The following SNTG1 variants were observed in gnomAD, a reference collection of about 807,000 sequenced individuals.
SNTG1 encodes the protein syntrophin gamma 1.
Under a neutral mutation model 74.7 loss-of-function variants are expected in SNTG1, and 39 were observed. That is an observed-to-expected ratio of 0.52 (90% CI 0.40 to 0.68). The LOEUF is 0.68. Among genes scored for constraint, SNTG1 ranks in the 30% least tolerant of loss-of-function variants. SNTG1 has a pLI of 0.00. For synonymous variants in SNTG1, 254 were observed against 217.1 expected, an observed-to-expected ratio of 1.17 and a Z score of -1.49; for missense variants, 685 against 609.5, an observed-to-expected ratio of 1.12 and a Z score of -1.30.
intron 2 of SNTG1, among the ~76,000 whole-genome samples, chr8:50,235,581 GT>G (rs1399420694): frequency 6.6e-6 from 1 of 152,124 alleles, no homozygotes; most frequent in East Asian, 1.9e-4. Context: ...ACACATTTTT[GT>G]TGGAAAAAAT....
At chr8:50,351,266 G>A (rs984607660) in intron 2 of SNTG1, among the ~76,000 whole-genome samples, 5 of 152,178 alleles carry the variant, frequency 3.3e-5, no homozygotes, top group African/African-American at 1.2e-4. Flanking sequence ...TGCAAAACTG[G>A]CAAAGTCCCG....
intron 9 of SNTG1, among the ~76,000 whole-genome samples, chr8:50,526,769 G>A (rs1381850026): frequency 2.0e-5 from 3 of 152,066 alleles, no homozygotes; most frequent in South Asian, 2.1e-4. Flanking sequence ...GACTACAGGC[G>A]CTTGCCACCA....
intron 8 of SNTG1, among the ~76,000 whole-genome samples, chr8:50,491,706 T>G (rs1587808923): frequency 9.2e-5 from 3 of 32,756 alleles, no homozygotes; most frequent in African/African-American, 1.2e-4. Context: ...TATTTATTTA[T>G]TTATTTATTT....
intron 8 of SNTG1, among the ~76,000 whole-genome samples, chr8:50,501,164 C>A (rs1225075488): frequency 6.6e-6 from 1 of 152,032 alleles, no homozygotes; most frequent in Admixed American, 6.6e-5. Context: ...GGCTCCTTTA[C>A]AATCCAGAGG....
At chr8:50,508,084 A>G (rs998705159) in intron 9 of SNTG1, among the ~76,000 whole-genome samples, 12 of 146,740 alleles carry the variant, frequency 8.2e-5, no homozygotes, top group African/African-American at 3.0e-4. Flanking sequence ...ACTCCCCTCA[A>G]CAGGCTACGG....
rs80268384 is a variant in SNTG1, at chr8:50,123,698, C to A, written c.-102-48863C>A. ...CACAGATTCTTTTATTTTGTTTTTCCTACTGGGAAAGGGTGACATTGTAGA... is the reference window on the plus strand; with the variant it reads ...CACAGATTCTTTTATTTTGTTTTTCATACTGGGAAAGGGTGACATTGTAGA... On this transcript the variant is annotated intron_variant, in intron 1 of 18. Coordinates refer to ENST00000642720, the MANE Select transcript of SNTG1 (RefSeq NM_018967.5). 4.0e-3 allele frequency among the ~76,000 whole-genome samples: 561 copies of A among 141,658 alleles called. 72 individuals carry two copies. Among genetic ancestry groups the A allele is most frequent in the African/African-American group, 0.013 (521 of 39,202 alleles). 92.9% of individuals were successfully genotyped at this position (141,658 alleles called of 152,430 possible). A position where few individuals can be genotyped will look rare whatever the true frequency, so the allele number is the denominator to read the frequency against.
chr8:50,209,302 A>T (rs909090727), intron 2 of SNTG1, among the ~76,000 whole-genome samples: 6 of 152,222 alleles, frequency 3.9e-5, no homozygotes, highest in Admixed American at 2.6e-4. Context: ...GGGGCAGGGC[A>T]TAGCTGAACA....
At chr8:50,070,266 G>A (rs905069023) in intron 1 of SNTG1, among the ~76,000 whole-genome samples, 12 of 151,994 alleles carry the variant, frequency 7.9e-5, no homozygotes, top group East Asian at 1.9e-4. Context: ...AGTTCTTTCC[G>A]TCTTTTTGAA....
chr8:50,311,952 T>G (rs2090130783), intron 2 of SNTG1, among the ~76,000 whole-genome samples: 1 of 152,184 alleles, frequency 6.6e-6, no homozygotes, highest in South Asian at 2.1e-4. Context: ...TGCAGACTCT[T>G]AATTATCCCC....
chr8:50,391,382 T>TAC (rs1462441589), intron 2 of SNTG1, among the ~76,000 whole-genome samples: 3 of 152,178 alleles, frequency 2.0e-5, no homozygotes, highest in African/African-American at 7.2e-5. Context: ...TTTATTGATT[T>TAC]GTGTATGTTG....
intron 2 of SNTG1, among the ~76,000 whole-genome samples, chr8:50,243,986 G>A (rs2086279231): frequency 6.6e-6 from 1 of 152,124 alleles, no homozygotes; most frequent in Non-Finnish European, 1.5e-5. Flanking sequence ...AAATACCTGA[G>A]ACTGGGTGAT....
chr8:50,321,062 C>G (rs147793324), intron 2 of SNTG1, among the ~76,000 whole-genome samples: 1 of 152,120 alleles, frequency 6.6e-6, no homozygotes, highest in East Asian at 1.9e-4. Flanking sequence ...TGATTTATAG[C>G]ACAGATTAAG....
At chr8:50,529,669 T>C (rs1366901710) in intron 9 of SNTG1, among the ~76,000 whole-genome samples, 5 of 152,168 alleles carry the variant, frequency 3.3e-5, no homozygotes. Context: ...AGTTTTTTCA[T>C]TGCAATTATA....
chr8:50,360,221 C>T (rs140191631), intron 2 of SNTG1, among the ~76,000 whole-genome samples: 109 of 152,144 alleles, frequency 7.2e-4, no homozygotes, highest in Non-Finnish European at 1.3e-3. Context: ...CAACAAACTT[C>T]GCAGTGAATT....
rs562076339 is a variant in SNTG1 at position 50,422,088 on chromosome 8, T to C, written c.163-16455T>C. 3.9e-5 allele frequency among the ~76,000 whole-genome samples: 6 copies of C among 152,276 alleles called. No homozygotes were observed. In the South Asian group the frequency reaches 1.2e-3, roughly 32 times the overall value. Reference sequence around the variant, plus strand: ...GGAAACGGCATGGAAAGGAGAGGCCTGATTGCATTAATGGAGATTCTCTAC... The same window carrying C: ...GGAAACGGCATGGAAAGGAGAGGCCCGATTGCATTAATGGAGATTCTCTAC... On this transcript the variant is annotated intron_variant, in intron 4 of 18. Transcript: ENST00000642720.
chr8:50,028,693 A>G (rs556467738), intron 1 of SNTG1, among the ~76,000 whole-genome samples: 1 of 152,258 alleles, frequency 6.6e-6, no homozygotes, highest in Non-Finnish European at 1.5e-5. Flanking sequence ...ATACATATGT[A>G]ATTAACCTGC....
intron 1 of SNTG1, among the ~76,000 whole-genome samples, chr8:50,031,928 G>T (rs1417800383): frequency 6.6e-6 from 1 of 152,056 alleles, no homozygotes; most frequent in Admixed American, 6.5e-5. Flanking sequence ...TAAGCTTATA[G>T]ATTTCATTTT....
At chr8:50,707,251 G>A (rs1459516357) in intron 16 of SNTG1, among the ~76,000 whole-genome samples, 2 of 151,956 alleles carry the variant, frequency 1.3e-5, no homozygotes, top group African/African-American at 4.8e-5. Context: ...ACATTTTCTT[G>A]TTTAAATGAC....
chr8:50,510,130 G>A (rs1448204502), intron 9 of SNTG1, among the ~76,000 whole-genome samples: 1 of 152,146 alleles, frequency 6.6e-6, no homozygotes, highest in Non-Finnish European at 1.5e-5. Context: ...ATGAAGGGTT[G>A]TTGAATTTTG....
Sources: gnomAD v4.1 joint callset for allele counts (sites outside exome capture counted in the v4.1 genomes callset) on GRCh38, gnomAD v4.1.1 for gene constraint, MANE v1.5 for transcripts, NCBI Gene and HGNC (gene_info 2026-07-23, HGNC 2026-07-21) for gene names.